Variants in INTS8 observed in about 807,000 individuals in gnomAD.
The protein encoded by INTS8 is protein kaonashi-1.
INTS8 carries 47 observed loss-of-function variants against 138.9 expected under a neutral mutation model. The ratio of observed to expected loss-of-function variants is 0.34; its 90% confidence interval spans 0.27 to 0.43. INTS8 has a LOEUF of 0.43. Among genes scored for constraint, INTS8 ranks in the 20% least tolerant of loss-of-function variants. The pLI is 1.00. For missense variants in INTS8, 996 were observed against 1,173.0 expected (o/e 0.85, Z 2.20); for synonymous variants, 392 against 400.9 (o/e 0.98, Z 0.27).
chr8:94,842,221 G>T, intron 9 of INTS8, 126 bp from the exon 10 acceptor site: 1 of 531,910 alleles, frequency 1.9e-6, no homozygotes, highest in Non-Finnish European at 3.2e-6. Context: ...TTATTGGTAT[G>T]CTTGAATATT....
intron 13 of INTS8, 43 bp downstream of exon 13, chr8:94,851,729 T>C: frequency 6.6e-7 from 1 of 1,510,918 alleles, no homozygotes; most frequent in South Asian, 1.3e-5. Context: ...TGCCCTTGTT[T>C]TCTGAGGTAA....
At chr8:94,838,828 A>G (rs901482380) in intron 8 of INTS8, among the ~76,000 whole-genome samples, 1 of 152,224 alleles carries the variant, frequency 6.6e-6, no homozygotes, top group African/African-American at 2.4e-5. Context: ...TTCTAAGGCA[A>G]AGCATTATAC....
At chr8:94,872,849 G>A (rs774075717) in intron 21 of INTS8, among the ~76,000 whole-genome samples, 1 of 152,078 alleles carries the variant, frequency 6.6e-6, no homozygotes, top group Non-Finnish European at 1.5e-5. Context: ...CTAATGAGTT[G>A]AATTTTTTAA....
chr8:94,866,689 C>T (rs1816187922), intron 18 of INTS8: 1 of 169,968 alleles, frequency 5.9e-6, no homozygotes, highest in Non-Finnish European at 1.2e-5. Context: ...ATTTACTTTA[C>T]CATGTTTTAG....
chr8:94,842,097 G>A (rs887746657), intron 9 of INTS8, among the ~76,000 whole-genome samples: 1 of 151,702 alleles, frequency 6.6e-6, no homozygotes, highest in Admixed American at 6.6e-5. Context: ...AACTGCTTGG[G>A]AGAAAAATTA....
intron 15 of INTS8, among the ~76,000 whole-genome samples, chr8:94,857,226 T>G (rs575723838): frequency 6.6e-6 from 1 of 151,976 alleles, no homozygotes; most frequent in Admixed American, 6.6e-5. Context: ...GAACCCACCA[T>G]CATGCCTGGC....
At position 94,823,310 on chromosome 8, in the gene INTS8, CCGGGACGTT is replaced by C; in HGVS notation, c.-118_-110del. On this transcript the variant is annotated 5_prime_UTR_variant, in exon 1 of 27. Coordinates refer to ENST00000523731, the MANE Select transcript of INTS8 (RefSeq NM_017864.4). ...CCGCCATTTTGGATTGTGTGAGTTT[CCGGGACGTT>C]CGGAGGGTGGCCTCTCTCCCACCGG... is the stretch of plus-strand genomic sequence containing the variant. The C allele has an allele frequency of 1.3e-6, 2 of 1,521,808 alleles. No individual in the cohort carries two copies. The highest frequency in any genetic ancestry group is 2.4e-5 in the South Asian group (2 of 82,080). The allele number at this position is 1,521,808 out of a possible 1,614,324, so 94.3% of individuals were successfully genotyped here.
chr8:94,833,755 C>T (rs970439162), intron 6 of INTS8, among the ~76,000 whole-genome samples: 15 of 152,150 alleles, frequency 9.9e-5, no homozygotes, highest in African/African-American at 4.8e-5. Flanking sequence ...AGTGGTAACA[C>T]TCATTTCCTG....
chr8:94,875,961 CTA>C (rs1165999524), intron 23 of INTS8, 111 bp from the exon 24 acceptor site: 3 of 749,600 alleles, frequency 4.0e-6, no homozygotes, highest in Non-Finnish European at 7.1e-6. Context: ...GAATCCATAA[CTA>C]TGAGCGGATT....
At chr8:94,857,010 A>G in intron 15 of INTS8, 32 bp downstream of exon 15, 1 of 1,490,720 alleles carries the variant, frequency 6.7e-7, no homozygotes, top group East Asian at 2.3e-5. Context: ...AAATTTCAGA[A>G]ACTCAGTACT....
At chr8:94,879,179 T>A (rs192988038) in intron 26 of INTS8, among the ~76,000 whole-genome samples, 25 of 152,344 alleles carry the variant, frequency 1.6e-4, no homozygotes, top group African/African-American at 5.8e-4. Flanking sequence ...GCCACATGCA[T>A]TCCTTCATGT....
At chr8:94,862,442 C>G (rs75246759) in intron 16 of INTS8, among the ~76,000 whole-genome samples, 1,661 of 152,282 alleles carry the variant, frequency 0.011, 30 homozygotes, top group African/African-American at 0.038. Context: ...TAACTCTTCT[C>G]TTTACCTCTG....
At chr8:94,877,886 A>G (rs575221995) in intron 26 of INTS8, among the ~76,000 whole-genome samples, 1 of 151,986 alleles carries the variant, frequency 6.6e-6, no homozygotes, top group South Asian at 2.1e-4. Context: ...ATTCCCTTCC[A>G]TCTTCCCTTC....
intron 13 of INTS8, among the ~76,000 whole-genome samples, chr8:94,851,894 C>T (rs948071142): frequency 6.6e-6 from 1 of 152,144 alleles, no homozygotes; most frequent in Non-Finnish European, 1.5e-5. Context: ...AAATGAGTAA[C>T]ATCTAAAAAT....
At chr8:94,832,498 A>G (rs1378114290) in intron 6 of INTS8, among the ~76,000 whole-genome samples, 1 of 152,218 alleles carries the variant, frequency 6.6e-6, no homozygotes, top group Non-Finnish European at 1.5e-5. Flanking sequence ...AAAAGAAGAT[A>G]AAAACTAATA....
intron 10 of INTS8, among the ~76,000 whole-genome samples, chr8:94,847,974 C>T (rs1469449419): frequency 6.7e-6 from 1 of 149,474 alleles, no homozygotes; most frequent in African/African-American, 2.5e-5. Context: ...ATTTGTTAAT[C>T]AGAAAATGGT....
intron 20 of INTS8, among the ~76,000 whole-genome samples, chr8:94,870,955 GCTCACAGTA>G (rs1460981876): frequency 6.6e-6 from 1 of 151,962 alleles, no homozygotes; most frequent in Non-Finnish European, 1.5e-5. Flanking sequence ...ATTTAGCCAG[GCTCACAGTA>G]CTCTTTTCTT....
intron 1 of INTS8, 59 bp from the exon 2 acceptor site, chr8:94,824,834 C>G (rs113299043): frequency 1.5e-6 from 1 of 660,068 alleles, no homozygotes. Context: ...ATAGTGAATC[C>G]TTTTGTATCT....
chr8:94,853,939 A>C lies in INTS8; in HGVS notation c.1752+24A>C, dbSNP rs953916639. On this transcript the variant is annotated intron_variant, in intron 14 of 26. Transcript: ENST00000523731. ...AGGTGAGTAAAAGTGTGTATCAAAC[A>C]CTTGTTAAGAATATGCTTTATGGTC... 3.0e-6 allele frequency: 4 copies of C among 1,352,092 alleles called. No homozygotes were observed. In the Admixed American group the frequency reaches 6.7e-5, roughly 23 times the overall value. The allele number at this position is 1,352,092 out of a possible 1,614,324, so 83.8% of individuals were successfully genotyped here.
Sources: allele counts gnomAD v4.1 joint callset (sites outside exome capture counted in the v4.1 genomes callset), GRCh38; gene constraint gnomAD v4.1.1; transcripts MANE v1.5; gene names NCBI Gene and HGNC (gene_info 2026-07-23, HGNC 2026-07-21).